FBXW9: variants seen among roughly 807,000 people sequenced by gnomAD.
FBXW9 encodes F-box/WD repeat-containing protein 9.
A neutral mutation model predicts 55.8 loss-of-function variants in FBXW9; 38 were observed. The ratio of observed to expected loss-of-function variants is 0.68; its 90% confidence interval spans 0.53 to 0.89. The LOEUF is 0.89. FBXW9 is among the 40% of genes least tolerant of loss of function. FBXW9 has a pLI of 0.00. For missense variants in FBXW9, 590 were observed against 619.4 expected, an observed-to-expected ratio of 0.95 and a Z score of 0.50; for synonymous variants, 289 against 278.2, an observed-to-expected ratio of 1.04 and a Z score of -0.38.
At position 12,689,310 on chromosome 19, in the gene FBXW9, T is replaced by A; in HGVS notation, c.1303-20A>T. On this transcript the variant is annotated intron_variant, in intron 9 of 9. Transcript: ENST00000393261. The surrounding 1 kb of genome is among the most constrained non-coding windows in gnomAD (Gnocchi z 5.9). ...ACAGACCTGGGAAGGGGGAGGAACA[T>A]GAGGAGTCAGGGACGATGGCGCTCT... The A allele has an allele frequency of 6.2e-7, 1 of 1,614,076 alleles. No homozygotes were observed. Among genetic ancestry groups the A allele is most frequent in the Non-Finnish European group, 8.5e-7 (1 of 1,179,978 alleles).
chr19:12,690,251 C>G (rs2024989565), intron 5 of FBXW9, 141 bp from the exon 6 acceptor site: 3 of 1,402,962 alleles, frequency 2.1e-6, no homozygotes, highest in Non-Finnish European at 2.9e-6. Context: ...AGTGACCCAT[C>G]TCTCCTCTCC....
Position 12,689,752 on chromosome 19 carries a change from C to G in FBXW9, c.1146+9G>C, listed in dbSNP as rs748214452. ...GGAGGGACAGTCAGGGGCAGGAGCT[C>G]CAGCAGACCCGGATAAGCTGGAAGC... On this transcript the variant is annotated intron_variant, in intron 7 of 9. Transcript: ENST00000393261. The surrounding 1 kb of genome is among the most constrained non-coding windows in gnomAD (Gnocchi z 5.9). The G allele has an allele frequency of 1.2e-6, 2 of 1,613,584 alleles. No homozygotes were observed. Among genetic ancestry groups the G allele is most frequent in the South Asian group, 1.1e-5 (1 of 91,054 alleles).
chr19:12,695,058 A>C, intron 1 of FBXW9, 120 bp from the exon 2 acceptor site: 3 of 1,186,564 alleles, frequency 2.5e-6, no homozygotes, highest in Non-Finnish European at 3.5e-6. Context: ...ACAGAACCCC[A>C]TGGAGATCCC....
rs1297120421 is a variant in FBXW9 at position 12,689,386 on chromosome 19, T to G, written c.1288A>C (p.Asn430His). 1.2e-6 allele frequency: 2 copies of G among 1,614,100 alleles called. No individual in the cohort carries two copies. Among genetic ancestry groups the G allele is most frequent in the Admixed American group, 3.3e-5 (2 of 60,016 alleles). The change falls in exon 9 of 10, where the codon AAT becomes CAT. Residue 430 changes from asparagine (N) to histidine (H), a missense_variant. Asn to His is a moderately conservative substitution (Grantham distance 68). Coordinates refer to ENST00000393261, the MANE Select transcript of FBXW9 (RefSeq NM_032301.3). The surrounding 1 kb of genome is among the most constrained non-coding windows in gnomAD (Gnocchi z 5.9). ...CAGGACCTTACCCTATTGAGCCCAT[T>G]GTCATGCCTTCGGGTGCAAATGGTC... ...PRTICTRRHD[N>H]GLNRVCAEGN... is the part of the protein sequence containing the mutation.
intron 1 of FBXW9, 139 bp from the exon 2 acceptor site, chr19:12,695,077 C>T (rs1375949976): frequency 1.0e-6 from 1 of 986,962 alleles, no homozygotes; most frequent in Non-Finnish European, 1.4e-6. Context: ...CCTACTCCCA[C>T]CCCAAGCCGA....
At chr19:12,695,050 A>G (rs1338784094) in intron 1 of FBXW9, 112 bp from the exon 2 acceptor site, 4 of 1,281,942 alleles carry the variant, frequency 3.1e-6, no homozygotes, top group Non-Finnish European at 4.3e-6. Flanking sequence ...AGACTTGGAC[A>G]GAACCCCATG....
chr19:12,691,645 T>TC (rs1470641567), intron 3 of FBXW9, among the ~76,000 whole-genome samples, 191 bp from the exon 4 acceptor site: 1 of 152,204 alleles, frequency 6.6e-6, no homozygotes, highest in Non-Finnish European at 1.5e-5. Flanking sequence ...CTCCAGGTGA[T>TC]CACCCCCATT....
Position 12,694,780 on chromosome 19 carries a change from C to A in FBXW9, c.549+19G>T. 6.2e-7 allele frequency: 1 copy of A among 1,613,844 alleles called. No individual in the cohort carries two copies. Among genetic ancestry groups the A allele is most frequent in the South Asian group, 1.1e-5 (1 of 91,060 alleles). On this transcript the variant is annotated intron_variant, in intron 2 of 9. Transcript: ENST00000393261. ...CACCCTGGCCCACCCTGCCTGGCCC[C>A]CCACAGACCCCGTCTCACCTGGAGC...
chr19:12,689,007 G>A lies in FBXW9; in HGVS notation c.*209C>T. 1 of 699,070 alleles carries A rather than the reference G, an allele frequency of 1.4e-6. No individual in the cohort carries two copies. The allele number at this position is 699,070 out of a possible 1,614,324, so 43.3% of individuals were successfully genotyped here. A position where few individuals can be genotyped will look rare whatever the true frequency, so the allele number is the denominator to read the frequency against. ...TAACAAAACCAGGGCCCAAGAGTGG[G>A]AAGCGGCCCCCTGGGTGGGCCTGAA... On this transcript the variant is annotated 3_prime_UTR_variant, in exon 10 of 10. Transcript: ENST00000393261. The surrounding 1 kb of genome is among the most constrained non-coding windows in gnomAD (Gnocchi z 5.9).
At chr19:12,690,241 A>C in intron 5 of FBXW9, 131 bp from the exon 6 acceptor site, 1 of 1,468,772 alleles carries the variant, frequency 6.8e-7, no homozygotes, top group Middle Eastern at 2.4e-4. Flanking sequence ...CACCCCACAG[A>C]GTGACCCATC....
In FBXW9 at chr19:12,692,522, G is replaced by A. The variant is rs538462521; in HGVS notation, c.679-1068C>T. Among the ~76,000 whole-genome samples, 5 of 138,752 alleles carry A rather than the reference G, an allele frequency of 3.6e-5. No individual in the cohort carries two copies. The South Asian group carries it at 6.5e-4, about 18-fold the overall frequency. 91.0% of individuals were successfully genotyped at this position (138,752 alleles called of 152,430 possible). ...ATTACAGGCGTGAGCCACTGCATCC[G>A]GTCTTTTTTTTTTTTTTGAGACATA... is the stretch of plus-strand genomic sequence containing the variant. On this transcript the variant is annotated intron_variant, in intron 3 of 9. Transcript: ENST00000393261.
Position 12,694,540 on chromosome 19 carries a change from A to C in FBXW9, c.678+54T>G, listed in dbSNP as rs2025050463. 1.9e-6 allele frequency: 3 copies of C among 1,583,096 alleles called. No individual in the cohort carries two copies. The South Asian group carries it at 3.4e-5, about 18-fold the overall frequency. ...GTCCTGTACCAAAACCTGGGGCCTT[A>C]ACCAAGATGCCCTACTCAGGCCTCA... On this transcript the variant is annotated intron_variant, in intron 3 of 9. Transcript: ENST00000393261.
Position 12,696,610 on chromosome 19 carries a change from C to A in FBXW9, c.-29G>T. 6.3e-7 allele frequency: 1 copy of A among 1,599,418 alleles called. No individual in the cohort carries two copies. The highest frequency in any genetic ancestry group is 8.5e-7 in the Non-Finnish European group (1 of 1,178,722). ...GACCGGGTGGGCGCTGCCGGCCTCG[C>A]GTCTTGTCTCCTAGGCAGCACGAGG... On this transcript the variant is annotated 5_prime_UTR_variant, in exon 1 of 10. Coordinates refer to ENST00000393261, the MANE Select transcript of FBXW9 (RefSeq NM_032301.3).
At chr19:12,693,147 C>T (rs2025027041) in intron 3 of FBXW9, among the ~76,000 whole-genome samples, 1 of 152,022 alleles carries the variant, frequency 6.6e-6, no homozygotes, top group Non-Finnish European at 1.5e-5. Flanking sequence ...GGAAGCAGCA[C>T]AGTGAGAATT....
intron 1 of FBXW9, 64 bp downstream of exon 1, chr19:12,696,109 C>T (rs2025066194): frequency 3.5e-6 from 5 of 1,441,072 alleles, no homozygotes; most frequent in South Asian, 1.3e-5. Context: ...ACCTCTTCCC[C>T]GCCCCAAGCC....
chr19:12,694,005 T>C (rs2025045288), intron 3 of FBXW9, among the ~76,000 whole-genome samples: 1 of 149,076 alleles, frequency 6.7e-6, no homozygotes, highest in East Asian at 2.0e-4. Flanking sequence ...CTGACCAACA[T>C]GGTGAAACCC....
chr19:12,691,490 A>T, intron 3 of FBXW9, 36 bp from the exon 4 acceptor site: 1 of 1,498,826 alleles, frequency 6.7e-7, no homozygotes, highest in Non-Finnish European at 9.0e-7. Flanking sequence ...CACCTGCCAC[A>T]GCCCATGGGG....
At chr19:12,690,233 C>T in intron 5 of FBXW9, 123 bp from the exon 6 acceptor site, 1 of 1,500,038 alleles carries the variant, frequency 6.7e-7, no homozygotes, top group South Asian at 1.2e-5. Context: ...CATTCCCCCA[C>T]CCCACAGAGT....
At chr19:12,696,135 C>T (rs2025066546) in intron 1 of FBXW9, 38 bp downstream of exon 1, 12 of 1,493,294 alleles carry the variant, frequency 8.0e-6, no homozygotes, top group Non-Finnish European at 8.8e-6. Context: ...TGGGCGGGCG[C>T]CCCCGGCCCC....
Sources: gnomAD v4.1 joint callset for allele counts (sites outside exome capture counted in the v4.1 genomes callset) on GRCh38, gnomAD v4.1.1 for gene constraint, Gnocchi (gnomAD v3.1) non-coding constraint, MANE v1.5 for transcripts, NCBI Gene and HGNC (gene_info 2026-07-23, HGNC 2026-07-21) for gene names.